The following MEI4 variants were observed in gnomAD, a reference collection of about 807,000 sequenced individuals.
MEI4 encodes meiotic double-stranded break formation protein 4, also known as meiosis-specific protein MEI4.
MEI4 carries 27 observed loss-of-function variants against 31.4 expected under a neutral mutation model. The ratio of observed to expected loss-of-function variants is 0.86; its 90% confidence interval spans 0.63 to 1.19. The LOEUF (loss-of-function observed/expected upper bound fraction) is 1.19. Ranked by LOEUF, MEI4 falls within the 50% of genes most tolerant of loss-of-function variation. The pLI is 0.00. For synonymous variants in MEI4, 122 were observed against 145.4 expected (o/e 0.84, Z 1.16); for missense variants, 329 against 398.9 (o/e 0.82, Z 1.49).
chr6:77,734,258 G>A (rs1767109477), intron 2 of MEI4, among the ~76,000 whole-genome samples: 1 of 151,950 alleles, frequency 6.6e-6, no homozygotes, highest in Non-Finnish European at 1.5e-5. Context: ...ATGTGTGGGA[G>A]TCTAAGTCTC....
intron 3 of MEI4, among the ~76,000 whole-genome samples, chr6:77,826,940 C>T (rs1408389047): frequency 6.6e-6 from 1 of 152,074 alleles, no homozygotes; most frequent in Non-Finnish European, 1.5e-5. Context: ...ACTAATGTGG[C>T]ACTAAGCTTT....
chr6:77,672,254 A>G (rs531946914), intron 1 of MEI4, among the ~76,000 whole-genome samples: 18 of 152,338 alleles, frequency 1.2e-4, no homozygotes, highest in African/African-American at 2.4e-4. Context: ...TTGGTGTTCA[A>G]TGTTTGCACA....
intron 2 of MEI4, among the ~76,000 whole-genome samples, chr6:77,732,216 G>C (rs1333172801): frequency 1.7e-4 from 26 of 151,666 alleles, no homozygotes; most frequent in Non-Finnish European, 3.7e-4. Context: ...AATTACCTTG[G>C]GCAGTATGGC....
In MEI4 at chr6:77,785,540, T is replaced by C. The variant is rs114305431; in HGVS notation, c.768+23875T>C. Among the ~76,000 whole-genome samples, 1,192 of 152,270 alleles carry C rather than the reference T, an allele frequency of 7.8e-3. 18 individuals carry two copies. The highest frequency in any genetic ancestry group is 0.028 in the African/African-American group (1,143 of 41,562). On this transcript the variant is annotated intron_variant, in intron 3 of 4. Transcript: ENST00000684080. ...ATATCTCACTACTTTTCCCTTCAATTTTATCTGACTCTAGTACATAATTCT... is the reference window on the plus strand; with the variant it reads ...ATATCTCACTACTTTTCCCTTCAATCTTATCTGACTCTAGTACATAATTCT...
intron 2 of MEI4, among the ~76,000 whole-genome samples, chr6:77,741,456 G>T (rs1177339322): frequency 6.6e-6 from 1 of 152,026 alleles, no homozygotes; most frequent in Admixed American, 6.6e-5. Flanking sequence ...GATAATTGTG[G>T]TAATCAGTTC....
chr6:77,699,177 T>G (rs1238222800), intron 2 of MEI4, among the ~76,000 whole-genome samples: 1 of 147,606 alleles, frequency 6.8e-6, no homozygotes, highest in Non-Finnish European at 1.5e-5. Context: ...GTCTAATTTT[T>G]TTTCAAAGTT....
intron 3 of MEI4, among the ~76,000 whole-genome samples, chr6:77,800,897 T>G (rs1002668293): frequency 6.6e-6 from 1 of 152,232 alleles, no homozygotes; most frequent in African/African-American, 2.4e-5. Flanking sequence ...GGTTTCCCAG[T>G]ATTTTATTGA....
At chr6:77,736,163 G>T (rs915126797) in intron 2 of MEI4, among the ~76,000 whole-genome samples, 3 of 152,066 alleles carry the variant, frequency 2.0e-5, no homozygotes, top group Non-Finnish European at 4.4e-5. Flanking sequence ...GGGCTCCACC[G>T]GGTTCGAGCT....
intron 2 of MEI4, among the ~76,000 whole-genome samples, chr6:77,699,720 T>G (rs1420405899): frequency 1.3e-5 from 2 of 152,150 alleles, no homozygotes; most frequent in Non-Finnish European, 2.9e-5. Flanking sequence ...TTATCTACTT[T>G]TGGTCTTTGA....
intron 2 of MEI4, among the ~76,000 whole-genome samples, chr6:77,729,446 G>A (rs973713515): frequency 1.3e-5 from 2 of 152,204 alleles, no homozygotes; most frequent in Non-Finnish European, 2.9e-5. Flanking sequence ...CAGTGATTCT[G>A]ATGTGTTTGG....
chr6:77,825,821 T>C (rs1769932858), intron 3 of MEI4, among the ~76,000 whole-genome samples: 1 of 152,198 alleles, frequency 6.6e-6, no homozygotes, highest in East Asian at 1.9e-4. Flanking sequence ...TAATCTAAAA[T>C]TTGATTTTTA....
chr6:77,771,552 A>T (rs1307344234), intron 3 of MEI4, among the ~76,000 whole-genome samples: 1 of 152,108 alleles, frequency 6.6e-6, no homozygotes, highest in African/African-American at 2.4e-5. Flanking sequence ...GCCCATTAAC[A>T]GTAAACTGGA....
chr6:77,694,526 C>A (rs1206903928), intron 2 of MEI4, among the ~76,000 whole-genome samples: 1 of 149,788 alleles, frequency 6.7e-6, no homozygotes, highest in Admixed American at 6.8e-5. Context: ...GGTTTTTTGT[C>A]CTTGTGATAG....
chr6:77,821,255 A>AT (rs1769815870), intron 3 of MEI4, among the ~76,000 whole-genome samples: 1 of 152,106 alleles, frequency 6.6e-6, no homozygotes, highest in Non-Finnish European at 1.5e-5. Flanking sequence ...ATTTTTAAAA[A>AT]TTTTTTATTA....
rs1428504112 is a variant in MEI4 at position 77,923,302 on chromosome 6, G to C, written c.1114G>C (p.Gly372Arg). ...GTTTACTTTTTATTTATGGAGAGTG[G>C]GCATTCTTTTGAGCTCAGCACAGAT... ...PLFTFYLWRVGILLSSAQIET... is the reference protein window; with the variant it reads ...PLFTFYLWRVRILLSSAQIET... Residue 372 changes from glycine (G) to arginine (R), a missense_variant, in exon 5 of 5, where the codon GGC becomes CGC. Transcript: ENST00000684080. 3.3e-6 allele frequency: 4 copies of C among 1,229,814 alleles called. No homozygotes were observed. Among genetic ancestry groups the C allele is most frequent in the Admixed American group, 4.3e-5 (1 of 23,520 alleles). 76.2% of individuals were successfully genotyped at this position (1,229,814 alleles called of 1,614,324 possible).
intron 4 of MEI4, among the ~76,000 whole-genome samples, chr6:77,873,781 A>G (rs1266141765): frequency 6.6e-6 from 1 of 152,150 alleles, no homozygotes. Flanking sequence ...TAATTTTTGT[A>G]TAAGGTGTAA....
intron 2 of MEI4, among the ~76,000 whole-genome samples, chr6:77,753,805 T>C (rs898130522): frequency 6.6e-6 from 1 of 152,202 alleles, no homozygotes; most frequent in Non-Finnish European, 1.5e-5. Flanking sequence ...TGCACACGTA[T>C]GTTTGTTGCG....
At chr6:77,781,670 C>T (rs1768600403) in intron 3 of MEI4, among the ~76,000 whole-genome samples, 1 of 151,998 alleles carries the variant, frequency 6.6e-6, no homozygotes, top group Non-Finnish European at 1.5e-5. Context: ...TATAACAATC[C>T]AGGAAAGGTA....
rs1256206316 is a variant in MEI4, at chr6:77,895,665, G to T, written c.901-27424G>T. ...TTTATCTCCTTAGATATATACCAGGGACTCTTATAGGTGGAGATCATGTCC... is the reference window on the plus strand; with the variant it reads ...TTTATCTCCTTAGATATATACCAGGTACTCTTATAGGTGGAGATCATGTCC... On this transcript the variant is annotated intron_variant, in intron 4 of 4. Transcript: ENST00000684080. Among the ~76,000 whole-genome samples the T allele has an allele frequency of 2.6e-5, 4 of 151,982 alleles. No homozygotes were observed. In the East Asian group the frequency reaches 7.7e-4, roughly 29 times the overall value.
Sources: allele counts gnomAD v4.1 joint callset (sites outside exome capture counted in the v4.1 genomes callset), GRCh38; gene constraint gnomAD v4.1.1; transcripts MANE v1.5; gene names NCBI Gene and HGNC (gene_info 2026-07-23, HGNC 2026-07-21).